STK33: variants seen among roughly 807,000 people sequenced by gnomAD.
STK33 encodes serine/threonine kinase 33.
A neutral mutation model predicts 58.0 loss-of-function variants in STK33; 52 were observed. The observed-to-expected ratio is 0.90, with a 90% confidence interval of 0.72 to 1.13. The LOEUF is 1.13. Ranked by LOEUF, STK33 falls within the 50% of genes most tolerant of loss-of-function variation. STK33 has a pLI of 0.00. For synonymous variants in STK33, 215 were observed against 200.1 expected, an observed-to-expected ratio of 1.07 and a Z score of -0.63; for missense variants, 630 against 604.2, an observed-to-expected ratio of 1.04 and a Z score of -0.45.
intron 1 of STK33, among the ~76,000 whole-genome samples, chr11:8,548,604 T>G (rs10743077): frequency 0.072 from 10,965 of 152,250 alleles, 816 homozygotes; most frequent in African/African-American, 0.2. Context: ...CTTTTGTGGG[T>G]CCATACAAAT....
chr11:8,428,020 A>G (rs1247628709), intron 14 of STK33, among the ~76,000 whole-genome samples: 1 of 152,172 alleles, frequency 6.6e-6, no homozygotes, highest in African/African-American at 2.4e-5. Context: ...AAGGAAGAGT[A>G]TGGGGAAGAA....
At chr11:8,494,081 T>G (rs952403068) in intron 1 of STK33, among the ~76,000 whole-genome samples, 13 of 152,132 alleles carry the variant, frequency 8.5e-5, no homozygotes, top group Admixed American at 8.5e-4. Context: ...CAACAAAGTA[T>G]TGGAAGTTCT....
chr11:8,541,598 T>C (rs1373509195), intron 1 of STK33, among the ~76,000 whole-genome samples: 10 of 152,196 alleles, frequency 6.6e-5, no homozygotes. Context: ...GTATGTTCCA[T>C]ACATATCTTT....
chr11:8,491,224 A>C (rs1950586100), intron 1 of STK33, among the ~76,000 whole-genome samples: 1 of 152,258 alleles, frequency 6.6e-6, no homozygotes, highest in African/African-American at 2.4e-5. Flanking sequence ...GCTAACTAGA[A>C]TAAACAGTGT....
chr11:8,485,718 T>C (rs201166993), intron 1 of STK33, among the ~76,000 whole-genome samples: 1 of 152,200 alleles, frequency 6.6e-6, no homozygotes, highest in East Asian at 1.9e-4. Flanking sequence ...TCATTGGCTG[T>C]ATAGCTTTTG....
intron 1 of STK33, among the ~76,000 whole-genome samples, chr11:8,543,101 T>G (rs1454516362): frequency 6.6e-6 from 1 of 152,200 alleles, no homozygotes; most frequent in East Asian, 1.9e-4. Flanking sequence ...ATGTATCTAC[T>G]CATTCATTAG....
rs185098652 is a variant in STK33 at position 8,509,984 on chromosome 11, T to C, written c.-465-29370A>G. On this transcript the variant is annotated intron_variant, in intron 1 of 15. Coordinates refer to ENST00000687296, the MANE Select transcript of STK33 (RefSeq NM_001352389.2). ...ATAAACGTGTGTGCATGTGTCTTTT[T>C]TATATAATGACTTCCTTTCCTTTGG... Among the ~76,000 whole-genome samples, 332 of 152,356 alleles carry C rather than the reference T, an allele frequency of 2.2e-3. 1 individual carries two copies. The highest frequency in any genetic ancestry group is 2.8e-3 in the Non-Finnish European group (192 of 68,030).
At position 8,454,983 on chromosome 11, in the gene STK33, T is replaced by C. The variant is rs943709765; in HGVS notation, c.698-151A>G. 4.1e-5 allele frequency: 33 copies of C among 812,076 alleles called. 1 individual carries two copies. The highest frequency in any genetic ancestry group is 5.2e-5 in the Non-Finnish European group (31 of 592,470). 50.3% of individuals were successfully genotyped at this position (812,076 alleles called of 1,614,324 possible). On this transcript the variant is annotated intron_variant, in intron 9 of 15. Transcript: ENST00000687296. ...CTGTCCTGTTCTATTCTCTCATTTATAAATGCTTCCTCCACATTTCTAACC... is the reference window on the plus strand; with the variant it reads ...CTGTCCTGTTCTATTCTCTCATTTACAAATGCTTCCTCCACATTTCTAACC...
chr11:8,376,164 G>A, the STK33 span, among the ~76,000 whole-genome samples: 1 of 152,224 alleles, frequency 6.6e-6, no homozygotes, highest in Non-Finnish European at 1.5e-5. Flanking sequence ...CTGAGCGACA[G>A]CCACCAGGGC....
Position 8,413,680 on chromosome 11 carries a change from A to T in STK33, c.1159T>A (p.Ser387Thr). ...DNQWLTGNKL[S>T]SVRPTNVLEM... is the part of the protein sequence containing the mutation. ...AATACATTGGTTGGTCTCACCGAAG[A>T]AAGTTTATTGCCCTAATATTAACAA... The change falls in exon 15 of 16, where the codon TCT (serine) becomes ACT (threonine). Residue 387 changes from serine (S) to threonine (T), a missense_variant. Ser to Thr is a moderately conservative substitution (Grantham distance 58). Coordinates refer to ENST00000687296, the MANE Select transcript of STK33 (RefSeq NM_001352389.2). 6.2e-7 allele frequency: 1 copy of T among 1,611,318 alleles called. No homozygotes were observed. Among genetic ancestry groups the T allele is most frequent in the Non-Finnish European group, 8.5e-7 (1 of 1,177,594 alleles).
At chr11:8,532,733 C>G (rs1398748107) in intron 1 of STK33, among the ~76,000 whole-genome samples, 2 of 152,184 alleles carry the variant, frequency 1.3e-5, no homozygotes, top group African/African-American at 4.8e-5. Context: ...GTCTTCTACA[C>G]ACATTGAAAG....
intron 1 of STK33, among the ~76,000 whole-genome samples, chr11:8,497,039 T>C (rs1274736920): frequency 6.6e-6 from 1 of 152,172 alleles, no homozygotes; most frequent in Non-Finnish European, 1.5e-5. Flanking sequence ...ATATTATTGA[T>C]ACTCATTATA....
chr11:8,572,535 G>A (rs991120571), intron 1 of STK33, among the ~76,000 whole-genome samples: 1 of 151,720 alleles, frequency 6.6e-6, no homozygotes. Context: ...TGTCTAACAG[G>A]GTAGAGAAAT....
chr11:8,466,417 A>G (rs148902508), intron 6 of STK33: 156 of 152,388 alleles, frequency 1.0e-3, no homozygotes, highest in African/African-American at 3.7e-3. Flanking sequence ...TACAGGCCCA[A>G]TGCAAGTCCA....
intron 1 of STK33, among the ~76,000 whole-genome samples, chr11:8,588,638 T>C (rs1256719008): frequency 8.5e-5 from 13 of 152,186 alleles, no homozygotes; most frequent in Non-Finnish European, 1.9e-4. Context: ...ATTTTAGATA[T>C]GGCACCTAAA....
In STK33 at chr11:8,585,386, G is replaced by A. The variant is rs183297500; in HGVS notation, c.-466+8697C>T. Among the ~76,000 whole-genome samples, 254 of 145,930 alleles carry A rather than the reference G, an allele frequency of 1.7e-3. 2 individuals carry two copies. Among genetic ancestry groups the A allele is most frequent in the African/African-American group, 5.8e-3 (230 of 39,370 alleles). On this transcript the variant is annotated intron_variant, in intron 1 of 15. Coordinates refer to ENST00000687296, the MANE Select transcript of STK33 (RefSeq NM_001352389.2). The stretch of plus-strand genomic sequence containing the variant: ...ACTACAGGCGCCCACTACTACACCC[G>A]GCTAATTTTTGTATTTTTAGTAGAG...
At chr11:8,381,062 T>C in the STK33 span, among the ~76,000 whole-genome samples, 1 of 152,080 alleles carries the variant, frequency 6.6e-6, no homozygotes, top group Non-Finnish European at 1.5e-5. Flanking sequence ...GGAGCTAAGA[T>C]ATGGATATGC....
chr11:8,515,463 T>A (rs182968857), intron 1 of STK33, among the ~76,000 whole-genome samples: 1 of 152,296 alleles, frequency 6.6e-6, no homozygotes, highest in Admixed American at 6.5e-5. Flanking sequence ...ACTTCACTGG[T>A]GAATTCCAAA....
At chr11:8,471,995 A>G (rs1428524059) in intron 6 of STK33, among the ~76,000 whole-genome samples, 2 of 152,134 alleles carry the variant, frequency 1.3e-5, no homozygotes, top group Non-Finnish European at 1.5e-5. Flanking sequence ...GTATGATCAT[A>G]GCTCACTGCA....
Sources: gnomAD v4.1 joint callset for allele counts (sites outside exome capture counted in the v4.1 genomes callset) on GRCh38, gnomAD v4.1.1 for gene constraint, MANE v1.5 for transcripts, NCBI Gene and HGNC (gene_info 2026-07-23, HGNC 2026-07-21) for gene names.